CTNNA2: variants seen among roughly 807,000 people sequenced by gnomAD.
CTNNA2 encodes the protein catenin alpha 2.
CTNNA2 carries 42 observed loss-of-function variants against 101.0 expected under a neutral mutation model. The ratio of observed to expected loss-of-function variants is 0.42; its 90% CI spans 0.32 to 0.54. The LOEUF is 0.54. Ranked by LOEUF, CTNNA2 falls within the 20% of genes least tolerant of loss-of-function variation. The pLI is 0.14. For synonymous variants in CTNNA2, 450 were observed against 456.4 expected (o/e 0.99, Z 0.18); for missense variants, 871 against 1,223.1 (o/e 0.71, Z 4.29).
chr2:80,271,547 G>A (rs970059969), intron 7 of CTNNA2, among the ~76,000 whole-genome samples: 1 of 151,410 alleles, frequency 6.6e-6, no homozygotes, highest in Non-Finnish European at 1.5e-5. Flanking sequence ...TCAGCCTCCC[G>A]AGTAGCTGGG....
chr2:80,637,194 CA>C (rs1480079412), intron 18 of CTNNA2, among the ~76,000 whole-genome samples: 1 of 152,122 alleles, frequency 6.6e-6, no homozygotes, highest in Admixed American at 6.5e-5. Context: ...AAAGATGGGT[CA>C]TAATAATAAT....
upstream of CTNNA2, among the ~76,000 whole-genome samples, chr2:79,508,838 C>T (rs2103817455): frequency 6.6e-6 from 1 of 150,960 alleles, no homozygotes; most frequent in Non-Finnish European, 1.5e-5. Context: ...TACATTCTAC[C>T]TATATAAGGT....
At chr2:79,480,778 T>C (rs981970113) in intron 4 of CTNNA2, among the ~76,000 whole-genome samples, 5 of 152,298 alleles carry the variant, frequency 3.3e-5, no homozygotes, top group African/African-American at 1.2e-4. Context: ...TCTCTTTGAA[T>C]GCAGCAACCT....
chr2:79,459,261 C>A (rs1316439346), intron 4 of CTNNA2, among the ~76,000 whole-genome samples: 7 of 152,130 alleles, frequency 4.6e-5, no homozygotes, highest in Admixed American at 4.6e-4. Flanking sequence ...CTACTGTGAA[C>A]TTCTACTCAT....
chr2:80,013,834 G>A (rs190080200), intron 7 of CTNNA2, among the ~76,000 whole-genome samples: 1 of 152,280 alleles, frequency 6.6e-6, no homozygotes, highest in African/African-American at 2.4e-5. Context: ...TTACTCCTGA[G>A]GATTGCCTCT....
chr2:80,376,087 C>T (rs955560621), intron 7 of CTNNA2, among the ~76,000 whole-genome samples: 3 of 152,134 alleles, frequency 2.0e-5, no homozygotes, highest in Non-Finnish European at 2.9e-5. Flanking sequence ...TTGCCTTAAA[C>T]TATAAAAATG....
intron 7 of CTNNA2, among the ~76,000 whole-genome samples, chr2:79,978,189 T>C (rs1395274087): frequency 2.6e-5 from 4 of 152,172 alleles, no homozygotes; most frequent in Admixed American, 2.0e-4. Context: ...TTCATAATAA[T>C]GATACTAAGA....
intron 6 of CTNNA2, among the ~76,000 whole-genome samples, chr2:79,878,445 C>A (rs886734403): frequency 6.6e-6 from 1 of 152,170 alleles, no homozygotes; most frequent in African/African-American, 2.4e-5. Context: ...AGTGTAAAAG[C>A]GTACCTGTTT....
intron 3 of CTNNA2, among the ~76,000 whole-genome samples, chr2:79,759,354 C>T (rs1422965203): frequency 6.6e-6 from 1 of 152,056 alleles, no homozygotes; most frequent in Non-Finnish European, 1.5e-5. Flanking sequence ...GATCGTGCCA[C>T]TGCACTCCAG....
intron 4 of CTNNA2, among the ~76,000 whole-genome samples, chr2:79,407,921 T>C (rs1301273396): frequency 6.6e-6 from 1 of 152,066 alleles, no homozygotes; most frequent in Non-Finnish European, 1.5e-5. Flanking sequence ...TGTCATTTGT[T>C]ATGAATCTAT....
intron 3 of CTNNA2, among the ~76,000 whole-genome samples, chr2:79,828,133 C>T (rs964774758): frequency 3.3e-5 from 5 of 152,086 alleles, no homozygotes; most frequent in African/African-American, 1.2e-4. Flanking sequence ...AAGTAGTAAC[C>T]TGCATCAGTT....
chr2:80,406,020 A>T (rs1679018439), intron 8 of CTNNA2, among the ~76,000 whole-genome samples: 1 of 152,214 alleles, frequency 6.6e-6, no homozygotes, highest in Non-Finnish European at 1.5e-5. Flanking sequence ...TAGTAGCTAC[A>T]CTATGAGTTG....
At chr2:79,631,617 A>C (rs1036897116) in intron 1 of CTNNA2, among the ~76,000 whole-genome samples, 1 of 152,170 alleles carries the variant, frequency 6.6e-6, no homozygotes, top group Admixed American at 6.5e-5. Context: ...AGAAATGCTA[A>C]CTCTCAGTAT....
chr2:79,392,424 A>C (rs1260611553), intron 4 of CTNNA2, among the ~76,000 whole-genome samples: 1 of 152,198 alleles, frequency 6.6e-6, no homozygotes, highest in Non-Finnish European at 1.5e-5. Context: ...AAAAGGATCA[A>C]TGTTTTCTCT....
intron 3 of CTNNA2, among the ~76,000 whole-genome samples, chr2:79,346,328 C>G (rs879783765): frequency 1.3e-5 from 2 of 152,094 alleles, no homozygotes; most frequent in Admixed American, 6.6e-5. Context: ...ACAAAGAACC[C>G]TGTTGCTATT....
rs567917862 is a variant in CTNNA2 at position 80,141,796 on chromosome 2, A to C, written c.1056+231999A>C. Among the ~76,000 whole-genome samples, 8 of 152,244 alleles carry C rather than the reference A, an allele frequency of 5.3e-5. No homozygotes were observed. In the South Asian group the frequency reaches 8.3e-4, roughly 16 times the overall value. The stretch of plus-strand genomic sequence containing the variant: ...CAAGCAAGAAGGTAATAGTAGCTTA[A>C]AACAGTATCCCAGAAAGAATCATGG... On this transcript the variant is annotated intron_variant, in intron 7 of 18. Transcript: ENST00000402739.
intron 15 of CTNNA2, among the ~76,000 whole-genome samples, chr2:80,591,081 C>CT (rs1156419382): frequency 1.3e-5 from 2 of 152,096 alleles, no homozygotes; most frequent in Non-Finnish European, 2.9e-5. Flanking sequence ...TAGTTTTGAT[C>CT]AGGAGCACAT....
At chr2:80,581,643 G>A (rs1219013394) in intron 13 of CTNNA2, 63 bp from the exon 14 acceptor site, 3 of 1,016,122 alleles carry the variant, frequency 3.0e-6, no homozygotes, top group South Asian at 1.3e-5. Context: ...TTGCAATGAA[G>A]TGTGTGGATG....
chr2:79,260,727 G>A (rs896810759), intron 2 of CTNNA2, among the ~76,000 whole-genome samples: 4 of 152,066 alleles, frequency 2.6e-5, no homozygotes, highest in Non-Finnish European at 5.9e-5. Context: ...GTTTCATCAT[G>A]GCTTACACTA....
Sources: allele counts gnomAD v4.1 joint callset (sites outside exome capture counted in the v4.1 genomes callset), GRCh38; gene constraint gnomAD v4.1.1; transcripts MANE v1.5; gene names NCBI Gene and HGNC (gene_info 2026-07-23, HGNC 2026-07-21).